The following TDRD6 variants were observed in gnomAD, a reference collection of about 807,000 sequenced individuals.
The protein encoded by TDRD6 is tudor domain-containing protein 6.
A neutral mutation model predicts 157.5 loss-of-function variants in TDRD6; 186 were observed. The ratio of observed to expected loss-of-function variants is 1.18; its 90% CI spans 1.05 to 1.33. TDRD6 has a LOEUF of 1.33. TDRD6 is among the 40% of genes most tolerant of loss of function. TDRD6 has a pLI of 0.00. For missense variants in TDRD6, 3,066 were observed against 2,508.0 expected, an observed-to-expected ratio of 1.22 and a Z score of -4.75; for synonymous variants, 1,075 against 945.2, an observed-to-expected ratio of 1.14 and a Z score of -2.52.
chr6:46,691,942 G>A lies in TDRD6; in HGVS notation c.3814G>A (p.Val1272Ile). Reference protein sequence around the residue: ...SAETPLKTARVEATLSERKIG... With the variant: ...SAETPLKTARIEATLSERKIG... ...TGAGACACCCTTGAAAACAGCAAGA[G>A]TAGAAGCTACTCTTTCAGAGAGAAA... Residue 1272 changes from valine (V) to isoleucine (I), a missense_variant, in exon 1 of 4, where the codon GTA (valine) becomes ATA (isoleucine). Physicochemically the swap from Val to Ile is conservative, Grantham distance 29. Transcript: ENST00000316081. 6.2e-7 allele frequency: 1 copy of A among 1,611,442 alleles called. No homozygotes were observed.
chr6:46,688,107 G>T lies in TDRD6; in HGVS notation c.-22G>T. 1 of 1,463,134 alleles carries T rather than the reference G, an allele frequency of 6.8e-7. No homozygotes were observed. 90.6% of individuals were successfully genotyped at this position (1,463,134 alleles called of 1,614,324 possible). A position where few individuals can be genotyped will look rare whatever the true frequency, so the allele number is the denominator to read the frequency against. On this transcript the variant is annotated 5_prime_UTR_variant, in exon 1 of 4. Transcript: ENST00000316081. ...GCGCGGCCCTTAATTTCCGGAAGTG[G>T]GGGCCGCGCCGCGCCGTCAAGATGT...
In TDRD6 at chr6:46,702,159, A is replaced by T; in HGVS notation, c.*272A>T. 3.2e-6 allele frequency: 1 copy of T among 310,318 alleles called. No individual in the cohort carries two copies. 19.2% of individuals were successfully genotyped at this position (310,318 alleles called of 1,614,324 possible). A position where few individuals can be genotyped will look rare whatever the true frequency, so the allele number is the denominator to read the frequency against. On this transcript the variant is annotated 3_prime_UTR_variant, in exon 4 of 4. Coordinates refer to ENST00000316081, the MANE Select transcript of TDRD6 (RefSeq NM_001010870.3). ...GTTGGGAGGATTTATTTTGCTAAAC[A>T]GTTTACTAACACATTACATTTCAAA...
chr6:46,695,999 A>C (rs1582550141), intron 2 of TDRD6, 54 bp downstream of exon 2: 2 of 1,572,602 alleles, frequency 1.3e-6, no homozygotes. Context: ...CTATTAAGGA[A>C]AGTTTACCAG....
chr6:46,690,267 G>A lies in TDRD6; in HGVS notation c.2139G>A (p.Glu713=). The part of the protein sequence containing the change: ...TGEGEQKAKR[E]NKTTSVSKAL... ...AAGGAGAGCAGAAAGCCAAGAGAGA[G>A]AATAAAACCACATCTGTTTCAAAAG... The change falls in exon 1 of 4, where the codon GAG becomes GAA. Residue 713 remains glutamate (E), a synonymous_variant. Transcript: ENST00000316081. 3 of 1,613,704 alleles carry A rather than the reference G, an allele frequency of 1.9e-6. No individual in the cohort carries two copies. Among genetic ancestry groups the A allele is most frequent in the East Asian group, 2.2e-5 (1 of 44,882 alleles).
Position 46,691,143 on chromosome 6 carries a change from G to A in TDRD6, c.3015G>A (p.Leu1005=). The A allele has an allele frequency of 6.2e-7, 1 of 1,613,626 alleles. No individual in the cohort carries two copies. The highest frequency in any genetic ancestry group is 2.2e-5 in the East Asian group (1 of 44,870). ...IDDPWTFYCQ[L]ARNANILEQL... is the part of the protein sequence containing the mutation. ...ACCCTTGGACATTTTATTGCCAGCT[G>A]GCAAGAAATGCAAATATTTTAGAAC... The change falls in exon 1 of 4, where the codon CTG becomes CTA. Residue 1005 remains leucine, a synonymous_variant. Transcript: ENST00000316081.
At chr6:46,681,210 G>A in the TDRD6 span, among the ~76,000 whole-genome samples, 2 of 152,122 alleles carry the variant, frequency 1.3e-5, no homozygotes, top group South Asian at 4.1e-4. Context: ...CTGATTTTAT[G>A]AAATTTTTTA....
At position 46,692,348 on chromosome 6, in the gene TDRD6, T is replaced by C; in HGVS notation, c.4220T>C (p.Val1407Ala). The C allele has an allele frequency of 1.2e-6, 2 of 1,614,222 alleles. No homozygotes were observed. Residue 1407 changes from valine (V) to alanine (A), a missense_variant, in exon 1 of 4, where the codon GTT becomes GCT. Coordinates refer to ENST00000316081, the MANE Select transcript of TDRD6 (RefSeq NM_001010870.3). ...AACAAAATAGGTAGGCTTGACCTTG[T>C]TAATGCAATATTGCCGGGGTTGTGC... ...HTNKIGRLDLVNAILPGLCIH... is the reference protein window; with the variant it reads ...HTNKIGRLDLANAILPGLCIH...
At chr6:46,696,769 G>A (rs1183388714) in intron 2 of TDRD6, among the ~76,000 whole-genome samples, 4 of 149,510 alleles carry the variant, frequency 2.7e-5, no homozygotes, top group Non-Finnish European at 4.4e-5. Context: ...CCACCACGAC[G>A]CCCAGCTAAT....
At position 46,692,170 on chromosome 6, in the gene TDRD6, T is replaced by A. The variant is rs928075466; in HGVS notation, c.4042T>A (p.Tyr1348Asn). 19 of 1,614,004 alleles carry A rather than the reference T, an allele frequency of 1.2e-5. No individual in the cohort carries two copies. The highest frequency in any genetic ancestry group is 1.4e-5 in the Non-Finnish European group (17 of 1,180,006). The change falls in exon 1 of 4, where the codon TAT becomes AAT. Residue 1348 changes from tyrosine to asparagine, a missense_variant. Tyr to Asn is a moderately radical substitution (Grantham distance 143). Coordinates refer to ENST00000316081, the MANE Select transcript of TDRD6 (RefSeq NM_001010870.3). Reference sequence around the variant, plus strand: ...CAGTGTTAAAACAAGGCCCGAATATTATGTAGGTCCACCTTTGCAAAGAGG... The same window carrying A: ...CAGTGTTAAAACAAGGCCCGAATATAATGTAGGTCCACCTTTGCAAAGAGG... ...LNSVKTRPEY[Y>N]VGPPLQRGDM...
rs766035494 is a variant in TDRD6 at position 46,691,850 on chromosome 6, ACT to A, written c.3725_3726del (p.Ser1242CysfsTer4). 15 of 1,595,554 alleles carry A rather than the reference ACT, an allele frequency of 9.4e-6. No homozygotes were observed. Among genetic ancestry groups the A allele is most frequent in the East Asian group, 6.7e-5 (3 of 44,752 alleles). The stretch of plus-strand genomic sequence containing the variant: ...ACAAACTTAGTCACTCAATATCAAG[ACT>A]CTGTGGGAAATAAAAATAGTCAAGT... On this transcript the variant is annotated frameshift_variant, in exon 1 of 4. Coordinates refer to ENST00000316081, the MANE Select transcript of TDRD6 (RefSeq NM_001010870.3). LOFTEE classifies it high-confidence loss of function.
chr6:46,698,572 T>C (rs887821847), intron 3 of TDRD6, among the ~76,000 whole-genome samples: 5 of 152,228 alleles, frequency 3.3e-5, no homozygotes, highest in African/African-American at 1.2e-4. Context: ...TGGTGGGCAA[T>C]TTGCCATGAC....
In TDRD6 at chr6:46,696,885, A is replaced by C. The variant is rs547155379; in HGVS notation, c.6171+940A>C. ...CTCAGCCTCCCAAAGTGCTGGGATT[A>C]CAGGCATGAGCCACTGCGCCCGGCT... On this transcript the variant is annotated intron_variant, in intron 2 of 3. Transcript: ENST00000316081. Among the ~76,000 whole-genome samples the C allele has an allele frequency of 8.6e-5, 13 of 151,910 alleles. No homozygotes were observed. In the South Asian group the frequency reaches 2.3e-3, roughly 27 times the overall value.
Position 46,689,764 on chromosome 6 carries a change from A to G in TDRD6, c.1636A>G (p.Lys546Glu), listed in dbSNP as rs966919323. The change falls in exon 1 of 4, where the codon AAG becomes GAG. Residue 546 changes from lysine to glutamate, a missense_variant. Lys to Glu is a moderately conservative substitution (Grantham distance 56). Transcript: ENST00000316081. ...TGAACCTGATGACCTTTGCTGTGTCAAGTGGAAAGAAAATGGTTATTATAG... is the reference window on the plus strand; with the variant it reads ...TGAACCTGATGACCTTTGCTGTGTCGAGTGGAAAGAAAATGGTTATTATAG... Reference protein sequence around the residue: ...KPEPDDLCCVKWKENGYYRAI... With the variant: ...KPEPDDLCCVEWKENGYYRAI... 5.0e-6 allele frequency: 8 copies of G among 1,614,100 alleles called. No homozygotes were observed. Among genetic ancestry groups the G allele is most frequent in the Non-Finnish European group, 6.8e-6 (8 of 1,180,054 alleles).
Position 46,688,016 on chromosome 6 carries a change from G to A in TDRD6, c.-113G>A. The stretch of plus-strand genomic sequence containing the variant: ...TCGCCGGCATTCTTCCCCTCCACTG[G>A]GTCCTTTGAACCTAGTTTGGCTGGG... On this transcript the variant is annotated 5_prime_UTR_variant, in exon 1 of 4. Transcript: ENST00000316081. The A allele has an allele frequency of 7.3e-7, 1 of 1,372,026 alleles. No individual in the cohort carries two copies. The highest frequency in any genetic ancestry group is 1.6e-5 in the South Asian group (1 of 61,314). The allele number at this position is 1,372,026 out of a possible 1,614,324, so 85.0% of individuals were successfully genotyped here. A position where few individuals can be genotyped will look rare whatever the true frequency, so the allele number is the denominator to read the frequency against.
chr6:46,691,280 G>C lies in TDRD6; in HGVS notation c.3152G>C (p.Arg1051Thr). ...AAGTATACTGATGGAAACTGGTATAGGGGCATAGTAATAGAGAAAGAGCCA... is the reference window on the plus strand; with the variant it reads ...AAGTATACTGATGGAAACTGGTATACGGGCATAGTAATAGAGAAAGAGCCA... The part of the protein sequence containing the change: ...LAKYTDGNWY[R>T]GIVIEKEPKK... Residue 1051 changes from arginine (R) to threonine (T), a missense_variant, in exon 1 of 4, where the codon AGG becomes ACG. Arg to Thr is a moderately conservative substitution (Grantham distance 71). Coordinates refer to ENST00000316081, the MANE Select transcript of TDRD6 (RefSeq NM_001010870.3). 2 of 1,614,060 alleles carry C rather than the reference G, an allele frequency of 1.2e-6. No homozygotes were observed. The highest frequency in any genetic ancestry group is 1.7e-6 in the Non-Finnish European group (2 of 1,179,958).
rs1764402753 is a variant in TDRD6, at chr6:46,693,437, A to C, written c.5309A>C (p.Asp1770Ala). The stretch of plus-strand genomic sequence containing the variant: ...GGAACCAAACCAAGTAACTTCCGTG[A>C]CCCTAAAACTGATAACATTTGTGAA... ...IIGTKPSNFR[D>A]PKTDNICEGF... Residue 1770 changes from aspartate to alanine, a missense_variant, in exon 1 of 4, where the codon GAC becomes GCC. By Grantham distance (126) the Asp-to-Ala change is moderately radical. Coordinates refer to ENST00000316081, the MANE Select transcript of TDRD6 (RefSeq NM_001010870.3). 6.2e-7 allele frequency: 1 copy of C among 1,613,926 alleles called. No individual in the cohort carries two copies. Among genetic ancestry groups the C allele is most frequent in the South Asian group, 1.1e-5 (1 of 91,076 alleles).
chr6:46,688,512 C>T lies in TDRD6; in HGVS notation c.384C>T (p.Gly128=). The change falls in exon 1 of 4, where the codon GGC becomes GGT. Residue 128 remains glycine, a synonymous_variant. Transcript: ENST00000316081. Reference sequence around the variant, plus strand: ...TCAATTTGCCCTCGGAAGTGCTGGGCTGCGTGCTAGCGGGCCTGGTGCCGG... The same window carrying T: ...TCAATTTGCCCTCGGAAGTGCTGGGTTGCGTGCTAGCGGGCCTGGTGCCGG... ...EFFNLPSEVL[G]CVLAGLVPAG... 1.9e-6 allele frequency: 3 copies of T among 1,563,976 alleles called. No individual in the cohort carries two copies. The highest frequency in any genetic ancestry group is 8.6e-7 in the Non-Finnish European group (1 of 1,157,968).
At position 46,702,033 on chromosome 6, in the gene TDRD6, A is replaced by G; in HGVS notation, c.*146A>G. The stretch of plus-strand genomic sequence containing the variant: ...TCAAAAACTTCTATATAGGTGGAAA[A>G]CAAATTAGGTCTCAGGTTGATGGTG... On this transcript the variant is annotated 3_prime_UTR_variant, in exon 4 of 4. Transcript: ENST00000316081. 1 of 802,848 alleles carries G rather than the reference A, an allele frequency of 1.2e-6. No individual in the cohort carries two copies. 49.7% of individuals were successfully genotyped at this position (802,848 alleles called of 1,614,324 possible).
chr6:46,687,291 C>CA (rs1346637124), upstream of TDRD6, among the ~76,000 whole-genome samples: 1 of 152,128 alleles, frequency 6.6e-6, no homozygotes, highest in Non-Finnish European at 1.5e-5. Flanking sequence ...ATTGGGATGC[C>CA]AGAGTTAGAC....
Sources: gnomAD v4.1 joint callset for allele counts (sites outside exome capture counted in the v4.1 genomes callset) on GRCh38, gnomAD v4.1.1 for gene constraint, MANE v1.5 for transcripts, NCBI Gene and HGNC (gene_info 2026-07-23, HGNC 2026-07-21) for gene names.